DHRS3: variants seen among roughly 807,000 people sequenced by gnomAD.
DHRS3 encodes dehydrogenase/reductase 3.
DHRS3 carries 14 observed loss-of-function variants against 27.2 expected under a neutral mutation model. That is an observed-to-expected ratio of 0.52 (90% CI 0.34 to 0.81). The LOEUF (loss-of-function observed/expected upper bound fraction) is 0.81. DHRS3 is among the 30% of genes least tolerant of loss of function. The probability of loss-of-function intolerance (pLI) is 0.01; values close to 1 mark genes in which losing one functional copy is unlikely to be tolerated. For synonymous variants in DHRS3, 165 were observed against 175.9 expected (o/e 0.94, Z 0.49); for missense variants, 322 against 406.2 (o/e 0.79, Z 1.78).
chr1:12,614,396 A>C (rs1387612542), intron 1 of DHRS3, among the ~76,000 whole-genome samples: 1 of 151,566 alleles, frequency 6.6e-6, no homozygotes, highest in Non-Finnish European at 1.5e-5. Flanking sequence ...AAAAAGCAAG[A>C]CCTTTACGCC....
At chr1:12,611,934 A>AAAATAAATAAATAAATAAAT (rs138133904) in intron 1 of DHRS3, among the ~76,000 whole-genome samples, 40,980 of 144,324 alleles carry the variant, frequency 0.28, 6,259 homozygotes, top group Non-Finnish European at 0.33. Flanking sequence ...CTCTATTTTT[A>AAAATAAATAAATAAATAAAT]AAATAAATAA....
chr1:12,600,239 A>T (rs1646826387), intron 1 of DHRS3: 1 of 247,448 alleles, frequency 4.0e-6, no homozygotes. Context: ...ACACACACAC[A>T]ATCACACAAA....
At chr1:12,609,992 A>G (rs1370691046) in intron 1 of DHRS3, among the ~76,000 whole-genome samples, 1 of 152,006 alleles carries the variant, frequency 6.6e-6, no homozygotes, top group Non-Finnish European at 1.5e-5. Context: ...TACCCTACCT[A>G]GAATCTCAGG....
Position 12,593,188 on chromosome 1 carries a change from G to T in DHRS3, c.196-12522C>A, listed in dbSNP as rs911612621. On this transcript the variant is annotated intron_variant, in intron 1 of 5. Coordinates refer to ENST00000616661, the MANE Select transcript of DHRS3 (RefSeq NM_004753.7). The surrounding 1 kb of genome is among the most constrained non-coding windows in gnomAD (Gnocchi z 4.6). ...CAGACTGGAATCTAGTGTTTACTGGGATCGCAGGCCCTTCCTGGTCTGCCC... is the reference window on the plus strand; with the variant it reads ...CAGACTGGAATCTAGTGTTTACTGGTATCGCAGGCCCTTCCTGGTCTGCCC... Among the ~76,000 whole-genome samples the T allele has an allele frequency of 2.6e-5, 4 of 152,074 alleles. No individual in the cohort carries two copies. Among genetic ancestry groups the T allele is most frequent in the Non-Finnish European group, 4.4e-5 (3 of 68,000 alleles).
intron 1 of DHRS3, among the ~76,000 whole-genome samples, chr1:12,589,074 TA>T (rs751325159): frequency 1.4e-4 from 22 of 152,188 alleles, no homozygotes; most frequent in Non-Finnish European, 2.9e-4. Flanking sequence ...AGGCTGTTAA[TA>T]AAAATCCATC....
intron 1 of DHRS3, among the ~76,000 whole-genome samples, chr1:12,595,285 A>T (rs1646784016): frequency 6.6e-6 from 1 of 152,006 alleles, no homozygotes; most frequent in Non-Finnish European, 1.5e-5. Context: ...CGCGGCCGGG[A>T]GGCCAGCCTG....
intron 1 of DHRS3, among the ~76,000 whole-genome samples, chr1:12,612,144 C>T (rs11121950): frequency 0.64 from 97,619 of 151,690 alleles, 31,849 homozygotes; most frequent in African/African-American, 0.75. Flanking sequence ...GAAACACTTC[C>T]AGATGTCACA....
At chr1:12,589,601 T>C (rs75568038) in intron 1 of DHRS3, among the ~76,000 whole-genome samples, 145,316 of 152,126 alleles carry the variant, frequency 0.96, 69,780 homozygotes, top group African/African-American at 0.99. Flanking sequence ...AATTCACCAA[T>C]ATGGTGAATT....
chr1:12,613,755 G>A (rs1037297759), intron 1 of DHRS3, among the ~76,000 whole-genome samples: 1 of 152,022 alleles, frequency 6.6e-6, no homozygotes, highest in Non-Finnish European at 1.5e-5. Flanking sequence ...TCGGAAGTGG[G>A]AATTGAGTTT....
Position 12,578,627 on chromosome 1 carries a change from A to T in DHRS3, c.698+91T>A. On this transcript the variant is annotated intron_variant, in intron 4 of 5. Transcript: ENST00000616661. The surrounding 1 kb of genome is among the most constrained non-coding windows in gnomAD (Gnocchi z 4.5). ...AGGCACCGTGCCTAGCCCGATTTTT[A>T]TATCAGAGCTCTTTCTGCAGTTGGC... 1 of 1,336,200 alleles carries T rather than the reference A, an allele frequency of 7.5e-7. No homozygotes were observed. The highest frequency in any genetic ancestry group is 1.1e-6 in the Non-Finnish European group (1 of 940,604). The allele number at this position is 1,336,200 out of a possible 1,614,324, so 82.8% of individuals were successfully genotyped here. A position where few individuals can be genotyped will look rare whatever the true frequency, so the allele number is the denominator to read the frequency against.
At chr1:12,579,446 G>T in intron 2 of DHRS3, 34 bp from the exon 3 acceptor site, 1 of 1,610,766 alleles carries the variant, frequency 6.2e-7, no homozygotes. Context: ...GGCCATGAGG[G>T]CAGCCAGCCC....
intron 1 of DHRS3, among the ~76,000 whole-genome samples, chr1:12,584,667 G>A (rs1646676685): frequency 6.6e-6 from 1 of 152,172 alleles, no homozygotes; most frequent in Non-Finnish European, 1.5e-5. Flanking sequence ...AGCCATTTAG[G>A]GCCCCAGAAC....
chr1:12,605,438 T>TAGC (rs1396715840), intron 1 of DHRS3, among the ~76,000 whole-genome samples: 1 of 152,226 alleles, frequency 6.6e-6, no homozygotes, highest in Non-Finnish European at 1.5e-5. Flanking sequence ...TAGTCATTAA[T>TAGC]AGCACCCTGT....
rs879889340 is a variant in DHRS3 at position 12,580,286 on chromosome 1, A to G, written c.339+237T>C. On this transcript the variant is annotated intron_variant, in intron 2 of 5. Transcript: ENST00000616661. ...TGCCCCGCCACAGTCCTGGAGAGAA[A>G]CCCACACGGTCTACATTTCCAAGGG... 5.4e-6 allele frequency: 3 copies of G among 554,168 alleles called. No individual in the cohort carries two copies. In the Admixed American group the frequency reaches 8.6e-5, roughly 16 times the overall value. 34.3% of individuals were successfully genotyped at this position (554,168 alleles called of 1,614,324 possible). A position where few individuals can be genotyped will look rare whatever the true frequency, so the allele number is the denominator to read the frequency against.
At chr1:12,576,300 C>A (rs953512924) in intron 4 of DHRS3, among the ~76,000 whole-genome samples, 5 of 151,912 alleles carry the variant, frequency 3.3e-5, no homozygotes, top group African/African-American at 9.7e-5. Flanking sequence ...TGGTGGCTCA[C>A]GCCTGTAATC....
At chr1:12,595,877 C>T (rs190914209) in intron 1 of DHRS3, 2,756 of 114,180 alleles carry the variant, frequency 0.024, 36 homozygotes, top group Admixed American at 0.04. Context: ...GGAGGGGAGC[C>T]GGGCTGGGGG....
Position 12,593,710 on chromosome 1 carries a change from C to A in DHRS3, c.196-13044G>T, listed in dbSNP as rs1646765242. On this transcript the variant is annotated intron_variant, in intron 1 of 5. Transcript: ENST00000616661. This position sits in a 1 kb window ranked among gnomAD's most constrained non-coding sequence, Gnocchi z 4.6. ...CACTCCTTCAAATGCTAAAACCACGCCCTGCCAAGAGCCAGTACGTGACAA... is the reference window on the plus strand; with the variant it reads ...CACTCCTTCAAATGCTAAAACCACGACCTGCCAAGAGCCAGTACGTGACAA... Among the ~76,000 whole-genome samples, 1 of 152,314 alleles carries A rather than the reference C, an allele frequency of 6.6e-6. No homozygotes were observed. Among genetic ancestry groups the A allele is most frequent in the South Asian group, 2.1e-4 (1 of 4,826 alleles).
At chr1:12,603,592 C>T (rs1002620448) in intron 1 of DHRS3, among the ~76,000 whole-genome samples, 1 of 152,102 alleles carries the variant, frequency 6.6e-6, no homozygotes, top group Non-Finnish European at 1.5e-5. Context: ...TCAGCTGGCG[C>T]TGAGGTCCGC....
chr1:12,569,079 G>T (rs4253925), intron 5 of DHRS3, among the ~76,000 whole-genome samples: 1 of 151,950 alleles, frequency 6.6e-6, no homozygotes, highest in Non-Finnish European at 1.5e-5. Context: ...TTAGCTGGGC[G>T]TGGTGGTGGG....
Sources: allele counts gnomAD v4.1 joint callset (sites outside exome capture counted in the v4.1 genomes callset), GRCh38; gene constraint gnomAD v4.1.1; non-coding constraint Gnocchi (gnomAD v3.1); transcripts MANE v1.5; gene names NCBI Gene and HGNC (gene_info 2026-07-23, HGNC 2026-07-21).